MICU3: variants seen among roughly 807,000 people sequenced by gnomAD.
The protein encoded by MICU3 is mitochondrial calcium uptake 3, also known as calcium uptake protein 3, mitochondrial.
In MICU3, 62 loss-of-function variants were observed where a neutral mutation model predicts 66.5. The ratio of observed to expected loss-of-function variants is 0.93; its 90% confidence interval spans 0.76 to 1.15. MICU3 has a LOEUF of 1.15. MICU3 is among the 50% of genes most tolerant of loss of function. The pLI is 0.00. For missense variants in MICU3, 779 were observed against 664.4 expected, an observed-to-expected ratio of 1.17 and a Z score of -1.90; for synonymous variants, 308 against 240.7, an observed-to-expected ratio of 1.28 and a Z score of -2.59.
chr8:17,068,514 A>T (rs1205153394), intron 2 of MICU3, among the ~76,000 whole-genome samples: 2 of 152,148 alleles, frequency 1.3e-5, no homozygotes, highest in Non-Finnish European at 2.9e-5. Context: ...TGTTCTGTTC[A>T]TTGTTAAAAG....
intron 1 of MICU3, among the ~76,000 whole-genome samples, chr8:17,047,236 C>T (rs1463010462): frequency 6.6e-6 from 1 of 152,036 alleles, no homozygotes; most frequent in African/African-American, 2.4e-5. Flanking sequence ...CATTGGAGGC[C>T]AGGTTGGCTA....
At chr8:17,103,440 A>G (rs952801581) in intron 9 of MICU3, among the ~76,000 whole-genome samples, 2 of 151,860 alleles carry the variant, frequency 1.3e-5, no homozygotes, top group African/African-American at 4.8e-5. Context: ...ATCTACAGCT[A>G]TTTTTCTTGA....
chr8:17,057,223 C>T (rs987842455), intron 1 of MICU3, among the ~76,000 whole-genome samples: 1 of 152,288 alleles, frequency 6.6e-6, no homozygotes, highest in African/African-American at 2.4e-5. Context: ...ACTGCAGTTC[C>T]AGAGGGAACC....
chr8:17,075,187 T>C (rs1185699299), intron 3 of MICU3, among the ~76,000 whole-genome samples: 2 of 148,048 alleles, frequency 1.4e-5, no homozygotes, highest in Non-Finnish European at 3.0e-5. Context: ...GAACATGGAG[T>C]TGGGGTGTGT....
At chr8:17,089,733 T>A (rs1340965509) in intron 7 of MICU3, among the ~76,000 whole-genome samples, 1 of 152,016 alleles carries the variant, frequency 6.6e-6, no homozygotes, top group Admixed American at 6.6e-5. Context: ...TTAGGAGTAA[T>A]GACCACATGT....
chr8:17,050,479 G>A (rs530916857), intron 1 of MICU3, among the ~76,000 whole-genome samples: 48 of 151,932 alleles, frequency 3.2e-4, no homozygotes, highest in African/African-American at 1.0e-3. Context: ...TTGATAAATG[G>A]TCAGTTTATA....
chr8:17,059,918 T>C (rs1817555956), intron 1 of MICU3, among the ~76,000 whole-genome samples: 1 of 152,190 alleles, frequency 6.6e-6, no homozygotes, highest in African/African-American at 2.4e-5. Context: ...TCCCAAAATT[T>C]AATGTCATCT....
rs903204454 is a variant in MICU3, at chr8:17,120,592, T to A, written c.*305T>A. ...TACTTCCGGTGACTACATATGAATG[T>A]ACTTTCAATATTATTTTTTTATTTA... On this transcript the variant is annotated 3_prime_UTR_variant, in exon 15 of 15. Coordinates refer to ENST00000318063, the MANE Select transcript of MICU3 (RefSeq NM_181723.3). 1 of 152,490 alleles carries A rather than the reference T, an allele frequency of 6.6e-6. No individual in the cohort carries two copies. The highest frequency in any genetic ancestry group is 1.5e-5 in the Non-Finnish European group (1 of 67,944). The allele number at this position is 152,490 out of a possible 1,614,324, so 9.4% of individuals were successfully genotyped here. A position where few individuals can be genotyped will look rare whatever the true frequency, so the allele number is the denominator to read the frequency against.
intron 1 of MICU3, 71 bp from the exon 2 acceptor site, chr8:17,064,013 T>C: frequency 8.6e-7 from 1 of 1,159,398 alleles, no homozygotes. Context: ...ACTTTCAACA[T>C]AATTAAAAGT....
chr8:17,135,065 T>C, the MICU3 span, among the ~76,000 whole-genome samples: 5 of 152,212 alleles, frequency 3.3e-5, no homozygotes, highest in African/African-American at 1.2e-4. Context: ...TTCTTACAAT[T>C]ATGGTCTTTC....
At chr8:17,066,817 G>C (rs553215457) in intron 2 of MICU3, among the ~76,000 whole-genome samples, 3 of 152,094 alleles carry the variant, frequency 2.0e-5, no homozygotes, top group Admixed American at 1.3e-4. Flanking sequence ...AAAGTGCTGG[G>C]ATTACAGGCG....
chr8:17,114,047 A>AGTTT, intron 11 of MICU3, 46 bp from the exon 12 acceptor site: 1 of 1,156,262 alleles, frequency 8.6e-7, no homozygotes. Flanking sequence ...TGATTTTAAT[A>AGTTT]AATTTGGCAA....
chr8:17,137,934 C>T, the MICU3 span, among the ~76,000 whole-genome samples: 1 of 151,812 alleles, frequency 6.6e-6, no homozygotes. Flanking sequence ...CCGGGATGGT[C>T]TTGATCTCTT....
intron 11 of MICU3, among the ~76,000 whole-genome samples, chr8:17,105,926 A>G (rs1426522102): frequency 6.6e-6 from 1 of 152,006 alleles, no homozygotes; most frequent in Non-Finnish European, 1.5e-5. Flanking sequence ...TTATGTTGAC[A>G]TCATTTCTGT....
At chr8:17,069,225 CCTAG>C (rs1469394110) in intron 2 of MICU3, among the ~76,000 whole-genome samples, 1 of 152,048 alleles carries the variant, frequency 6.6e-6, no homozygotes, top group Non-Finnish European at 1.5e-5. Flanking sequence ...CCTTCTTCAT[CCTAG>C]AGAGACCTGA....
rs556762262 is a variant in MICU3 at position 17,079,449 on chromosome 8, G to A, written c.646+1588G>A. On this transcript the variant is annotated intron_variant, in intron 4 of 14. Transcript: ENST00000318063. ...TAGGTAAAATAGAGAAGTTAGAAGA[G>A]CCTTGCTTTTTTTAAATAGCGATTA... Among the ~76,000 whole-genome samples the A allele has an allele frequency of 8.5e-5, 13 of 152,234 alleles. 1 individual carries two copies. Among genetic ancestry groups the A allele is most frequent in the Admixed American group, 4.6e-4 (7 of 15,282 alleles).
chr8:17,040,301 A>G (rs1303472710), intron 1 of MICU3, among the ~76,000 whole-genome samples: 1 of 152,218 alleles, frequency 6.6e-6, no homozygotes, highest in Non-Finnish European at 1.5e-5. Context: ...TGTATCTCAA[A>G]AGATTTTAAT....
chr8:17,040,365 T>C (rs1001069905), intron 1 of MICU3, among the ~76,000 whole-genome samples: 10 of 152,226 alleles, frequency 6.6e-5, no homozygotes. Context: ...AATTACAATT[T>C]TTCTAATTAT....
intron 11 of MICU3, among the ~76,000 whole-genome samples, chr8:17,107,398 A>G (rs1308172658): frequency 6.6e-6 from 1 of 152,132 alleles, no homozygotes; most frequent in African/African-American, 2.4e-5. Flanking sequence ...TTTATTTGAG[A>G]AAATGCCAAA....
Sources: allele counts gnomAD v4.1 joint callset (sites outside exome capture counted in the v4.1 genomes callset), GRCh38; gene constraint gnomAD v4.1.1; transcripts MANE v1.5; gene names NCBI Gene and HGNC (gene_info 2026-07-23, HGNC 2026-07-21).